Variants in ARHGAP26 observed in about 807,000 individuals in gnomAD.
ARHGAP26 encodes Rho GTPase activating protein 26.
In ARHGAP26, 38 loss-of-function variants were observed where a neutral mutation model predicts 104.8. The ratio of observed to expected loss-of-function variants is 0.36; its 90% CI spans 0.28 to 0.48. The LOEUF (loss-of-function observed/expected upper bound fraction) is 0.48, where lower values mean the gene tolerates loss of function less well. Ranked by LOEUF, ARHGAP26 falls within the 20% of genes least tolerant of loss-of-function variation. The probability of loss-of-function intolerance (pLI) is 0.99; values close to 1 mark genes in which losing one functional copy is unlikely to be tolerated. For synonymous variants in ARHGAP26, 341 were observed against 340.0 expected (o/e 1.00, Z -0.03); for missense variants, 704 against 947.9 (o/e 0.74, Z 3.38).
intron 12 of ARHGAP26, among the ~76,000 whole-genome samples, chr5:143,025,150 A>G (rs1034715068): frequency 6.6e-6 from 1 of 152,170 alleles, no homozygotes; most frequent in Non-Finnish European, 1.5e-5. Context: ...GGCACTGTAC[A>G]GTCTCTTTAA....
chr5:143,018,060 A>G (rs1225827339), intron 12 of ARHGAP26, among the ~76,000 whole-genome samples: 4 of 152,094 alleles, frequency 2.6e-5, no homozygotes, highest in African/African-American at 9.7e-5. Flanking sequence ...ATGATAGTTC[A>G]TTGTTGTTTT....
chr5:143,192,828 T>A (rs1393668494), intron 20 of ARHGAP26, among the ~76,000 whole-genome samples: 1 of 152,216 alleles, frequency 6.6e-6, no homozygotes, highest in East Asian at 1.9e-4. Flanking sequence ...CTTCCCTCTT[T>A]TTTTTTCATG....
chr5:143,059,467 A>T (rs1421338603), intron 17 of ARHGAP26, among the ~76,000 whole-genome samples: 12 of 152,368 alleles, frequency 7.9e-5, no homozygotes, highest in African/African-American at 2.2e-4. Flanking sequence ...AAAAGGATTT[A>T]AAAAACAAAA....
intron 14 of ARHGAP26, among the ~76,000 whole-genome samples, chr5:143,048,158 C>T (rs1784484822): frequency 6.6e-6 from 1 of 151,306 alleles, no homozygotes; most frequent in African/African-American, 2.4e-5. Context: ...CAGTGTGTTC[C>T]TCTTTTGATT....
At position 143,029,392 on chromosome 5, in the gene ARHGAP26, G is replaced by GTTTTTTTTTTTTTTTTTTTTTTTTTTTT. The variant is rs536919888; in HGVS notation, c.1145-7801_1145-7774dup. Among the ~76,000 whole-genome samples the GTTTTTTTTTTTTTTTTTTTTTTTTTTTT allele has an allele frequency of 2.5e-5, 2 of 80,812 alleles. 1 individual carries two copies. The allele number at this position is 80,812 out of a possible 152,430, so 53.0% of individuals were successfully genotyped here. On this transcript the variant is annotated intron_variant, in intron 12 of 22. Coordinates refer to ENST00000645722, the MANE Select transcript of ARHGAP26 (RefSeq NM_001135608.3). ...CATGTTAGAAATCCTTTACTTCTCA[G>GTTTTTTTTTTTTTTTTTTTTTTTTTTTT]TTTTTTTTTTTTTTTTTTTTTTTTT...
At chr5:143,132,483 T>A (rs904348132) in intron 18 of ARHGAP26, among the ~76,000 whole-genome samples, 2 of 151,682 alleles carry the variant, frequency 1.3e-5, no homozygotes, top group Non-Finnish European at 2.9e-5. Flanking sequence ...AAATTTTGAT[T>A]TTTCAATATA....
At chr5:143,016,016 T>G (rs1014819505) in intron 12 of ARHGAP26, among the ~76,000 whole-genome samples, 2 of 152,224 alleles carry the variant, frequency 1.3e-5, no homozygotes, top group Non-Finnish European at 2.9e-5. Context: ...ATAAATTTGT[T>G]GGGGCGTTGG....
chr5:142,881,357 G>C (rs1258240209), intron 4 of ARHGAP26, among the ~76,000 whole-genome samples: 2 of 152,216 alleles, frequency 1.3e-5, no homozygotes, highest in African/African-American at 2.4e-5. Flanking sequence ...AAGAGTCTGA[G>C]TGAGCTCCCT....
chr5:142,879,520 A>G, intron 4 of ARHGAP26, 75 bp downstream of exon 4: 1 of 1,330,338 alleles, frequency 7.5e-7, no homozygotes, highest in Non-Finnish European at 1.0e-6. Context: ...CTTTAAAACA[A>G]AGTCTTCAGA....
chr5:142,979,759 A>G (rs1040756839), intron 11 of ARHGAP26, among the ~76,000 whole-genome samples: 3 of 152,216 alleles, frequency 2.0e-5, no homozygotes, highest in African/African-American at 7.2e-5. Context: ...TGTGAGCCCA[A>G]TCCCAGAAGG....
At chr5:142,880,746 T>C (rs1226926331) in intron 4 of ARHGAP26, among the ~76,000 whole-genome samples, 1 of 152,168 alleles carries the variant, frequency 6.6e-6, no homozygotes, top group Non-Finnish European at 1.5e-5. Context: ...TTTTGCTTAG[T>C]TGCAAAATGA....
At chr5:142,894,946 A>T (rs901207623) in intron 6 of ARHGAP26, among the ~76,000 whole-genome samples, 3 of 152,192 alleles carry the variant, frequency 2.0e-5, no homozygotes, top group African/African-American at 7.2e-5. Context: ...GAACATGAAG[A>T]TTGCATTGTG....
At chr5:142,911,860 A>T (rs961395462) in intron 9 of ARHGAP26, among the ~76,000 whole-genome samples, 7 of 152,246 alleles carry the variant, frequency 4.6e-5, no homozygotes, top group African/African-American at 1.7e-4. Context: ...GAGAAAGAGC[A>T]GTTCTGTCTG....
At chr5:142,930,574 G>A (rs866077083) in intron 10 of ARHGAP26, among the ~76,000 whole-genome samples, 17 of 151,710 alleles carry the variant, frequency 1.1e-4, no homozygotes, top group Non-Finnish European at 1.2e-4. Flanking sequence ...AGCTGCCCAC[G>A]CCTCCCACCC....
intron 11 of ARHGAP26, among the ~76,000 whole-genome samples, chr5:142,976,436 T>C (rs1000877082): frequency 2.6e-5 from 4 of 152,220 alleles, no homozygotes; most frequent in Non-Finnish European, 4.4e-5. Flanking sequence ...GCCCTTTTGC[T>C]AACCCTGAAA....
chr5:142,996,991 G>T (rs1276612840), intron 11 of ARHGAP26, among the ~76,000 whole-genome samples: 11 of 152,248 alleles, frequency 7.2e-5, no homozygotes, highest in Non-Finnish European at 1.5e-5. Flanking sequence ...ACCTAGTAAA[G>T]TTGAATATAT....
intron 19 of ARHGAP26, among the ~76,000 whole-genome samples, chr5:143,144,485 A>G (rs1798928081): frequency 6.6e-6 from 1 of 152,108 alleles, no homozygotes; most frequent in African/African-American, 2.4e-5. Flanking sequence ...ACCTCACCAC[A>G]GCCTTGAACT....
At chr5:142,827,896 GA>G (rs2152105534) in intron 1 of ARHGAP26, among the ~76,000 whole-genome samples, 1 of 152,358 alleles carries the variant, frequency 6.6e-6, no homozygotes, top group Non-Finnish European at 1.5e-5. Context: ...TGGCATCCGG[GA>G]AGTGTAGATA....
In ARHGAP26 at chr5:142,903,573, G is replaced by A. The variant is rs1186795750; in HGVS notation, c.736G>A (p.Val246Met). 1.2e-6 allele frequency: 2 copies of A among 1,614,030 alleles called. No homozygotes were observed. ...TCGCTTTGAAGGCACTAGATCAGAA[G>A]TGGAATCACTGATGAAAAAGATGAA... ...RNRFEGTRSE[V>M]ESLMKKMKEN... is the part of the protein sequence containing the mutation. The change falls in exon 8 of 23, where the codon GTG (valine) becomes ATG (methionine). Residue 246 changes from valine (V) to methionine (M), a missense_variant. Coordinates refer to ENST00000645722, the MANE Select transcript of ARHGAP26 (RefSeq NM_001135608.3).
Sources: gnomAD v4.1 joint callset for allele counts (sites outside exome capture counted in the v4.1 genomes callset) on GRCh38, gnomAD v4.1.1 for gene constraint, MANE v1.5 for transcripts, NCBI Gene and HGNC (gene_info 2026-07-23, HGNC 2026-07-21) for gene names.